ZNF660: variants seen among roughly 807,000 people sequenced by gnomAD.
ZNF660 encodes the protein zinc finger protein 660.
In ZNF660, 24 loss-of-function variants were observed where a neutral mutation model predicts 23.2. That is an observed-to-expected ratio of 1.04 (90% confidence interval 0.75 to 1.46). The LOEUF is 1.46. Among genes scored for constraint, ZNF660 ranks in the 40% most tolerant of loss-of-function variants. ZNF660 has a pLI of 0.00. For synonymous variants in ZNF660, 117 were observed against 131.4 expected, an observed-to-expected ratio of 0.89 and a Z score of 0.75; for missense variants, 373 against 396.8, an observed-to-expected ratio of 0.94 and a Z score of 0.51.
chr3:44,591,288 C>A (rs1302447706), intron 2 of ZNF660, among the ~76,000 whole-genome samples: 3 of 152,144 alleles, frequency 2.0e-5, no homozygotes, highest in Admixed American at 6.5e-5. Context: ...ACCACCATGC[C>A]TAGCTAATTT....
intron 2 of ZNF660, among the ~76,000 whole-genome samples, chr3:44,590,588 C>T (rs922854327): frequency 6.6e-6 from 1 of 152,196 alleles, no homozygotes; most frequent in Non-Finnish European, 1.5e-5. Flanking sequence ...GGGACACAAA[C>T]ATTCAGTCCA....
At chr3:44,586,906 AG>A (rs1362219342) in intron 2 of ZNF660, among the ~76,000 whole-genome samples, 1 of 152,214 alleles carries the variant, frequency 6.6e-6, no homozygotes, top group East Asian at 1.9e-4. Context: ...TATATATTTG[AG>A]GATGGACACA....
chr3:44,596,691 C>T lies in ZNF660; in HGVS notation c.*1502C>T, dbSNP rs1700620130. On this transcript the variant is annotated 3_prime_UTR_variant, in exon 3 of 3. Transcript: ENST00000322734. ...GGTGGCAAGACAGTGGCCACAGCTG[C>T]ATCTTGCCTTCACACAACTCCTTCA... 6.6e-6 allele frequency: 1 copy of T among 152,210 alleles called. No individual in the cohort carries two copies. Among genetic ancestry groups the T allele is most frequent in the Non-Finnish European group, 1.5e-5 (1 of 68,044 alleles). The allele number at this position is 152,210 out of a possible 1,614,324, so 9.4% of individuals were successfully genotyped here. A position where few individuals can be genotyped will look rare whatever the true frequency, so the allele number is the denominator to read the frequency against.
At chr3:44,592,279 A>G (rs1260283586) in intron 2 of ZNF660, among the ~76,000 whole-genome samples, 1 of 152,236 alleles carries the variant, frequency 6.6e-6, no homozygotes, top group East Asian at 1.9e-4. Flanking sequence ...AAATATATAT[A>G]CTTTTTTATC....
rs768512433 is a variant in ZNF660 at position 44,594,552 on chromosome 3, A to G, written c.359A>G (p.His120Arg). ...GGGAAATCTTTCAGTGGAAAGTCAC[A>G]TCTTATTCGGCACCAGGGAATCCAC... Reference protein sequence around the residue: ...ECGKSFSGKSHLIRHQGIHSG... With the variant: ...ECGKSFSGKSRLIRHQGIHSG... Residue 120 changes from histidine to arginine, a missense_variant, in exon 3 of 3, where the codon CAT (histidine) becomes CGT (arginine). Transcript: ENST00000322734. 4 of 1,614,180 alleles carry G rather than the reference A, an allele frequency of 2.5e-6. No individual in the cohort carries two copies. Among genetic ancestry groups the G allele is most frequent in the Non-Finnish European group, 2.5e-6 (3 of 1,180,026 alleles).
intron 2 of ZNF660, among the ~76,000 whole-genome samples, chr3:44,590,305 G>A (rs1205190603): frequency 6.6e-6 from 1 of 152,012 alleles, no homozygotes; most frequent in Non-Finnish European, 1.5e-5. Context: ...AGATCCATGT[G>A]CCTCGCCATT....
At position 44,598,540 on chromosome 3, in the gene ZNF660, C is replaced by G. The variant is rs1484929103; in HGVS notation, c.*3351C>G. ...GGAGTGCAATGGCGTGATATCGGCT[C>G]ACTGCAACCTCTGCCTCCTGGGTTC... On this transcript the variant is annotated 3_prime_UTR_variant, in exon 3 of 3. Coordinates refer to ENST00000322734, the MANE Select transcript of ZNF660 (RefSeq NM_173658.4). The G allele has an allele frequency of 6.6e-6, 1 of 152,158 alleles. No individual in the cohort carries two copies. The highest frequency in any genetic ancestry group is 1.5e-5 in the Non-Finnish European group (1 of 68,142). The allele number at this position is 152,158 out of a possible 1,614,324, so 9.4% of individuals were successfully genotyped here. A position where few individuals can be genotyped will look rare whatever the true frequency, so the allele number is the denominator to read the frequency against.
Position 44,595,151 on chromosome 3 carries a change from C to A in ZNF660, c.958C>A (p.His320Asn). The change falls in exon 3 of 3, where the codon CAC becomes AAC. Residue 320 changes from histidine (H) to asparagine (N), a missense_variant. Transcript: ENST00000322734. Reference protein sequence around the residue: ...AYRYSSQLIQHQRKHNEEKET... With the variant: ...AYRYSSQLIQNQRKHNEEKET... ...TCGGTATAGTTCACAGCTTATTCAA[C>A]ACCAGAGGAAACATAATGAGGAGAA... 6.3e-7 allele frequency: 1 copy of A among 1,595,054 alleles called. No homozygotes were observed. Among genetic ancestry groups the A allele is most frequent in the Non-Finnish European group, 8.5e-7 (1 of 1,171,624 alleles).
intron 2 of ZNF660, among the ~76,000 whole-genome samples, chr3:44,589,236 TAA>T (rs900718849): frequency 6.6e-6 from 1 of 152,234 alleles, no homozygotes; most frequent in Admixed American, 6.5e-5. Context: ...CTAATCTTCC[TAA>T]AGAGTTCTTA....
intron 2 of ZNF660, among the ~76,000 whole-genome samples, chr3:44,589,486 C>G (rs1700342695): frequency 6.6e-6 from 1 of 152,106 alleles, no homozygotes; most frequent in African/African-American, 2.4e-5. Context: ...CTCTGTTTTC[C>G]ATTTCATTAA....
At chr3:44,588,613 C>G (rs985512586) in intron 2 of ZNF660, among the ~76,000 whole-genome samples, 1 of 151,986 alleles carries the variant, frequency 6.6e-6, no homozygotes, top group African/African-American at 2.4e-5. Context: ...CCTCCCTCAG[C>G]CTCCCAAGTA....
rs191261921 is a variant in ZNF660, at chr3:44,595,505, A to C, written c.*316A>C. ...GATAAGACGGAAGATAATGACATAC[A>C]ATCCAAAATTTAAAAAAATATTTTT... On this transcript the variant is annotated 3_prime_UTR_variant, in exon 3 of 3. Coordinates refer to ENST00000322734, the MANE Select transcript of ZNF660 (RefSeq NM_173658.4). 3.1e-4 allele frequency: 67 copies of C among 216,536 alleles called. No individual in the cohort carries two copies. The highest frequency in any genetic ancestry group is 1.5e-3 in the African/African-American group (64 of 43,332). 13.4% of individuals were successfully genotyped at this position (216,536 alleles called of 1,614,324 possible). A position where few individuals can be genotyped will look rare whatever the true frequency, so the allele number is the denominator to read the frequency against.
In ZNF660 at chr3:44,595,175, A is replaced by G; in HGVS notation, c.982A>G (p.Lys328Glu). ...ACACCAGAGGAAACATAATGAGGAG[A>G]AAGAAACCTCATAAATAACAAATAT... is the stretch of plus-strand genomic sequence containing the variant. Reference protein sequence around the residue: ...IQHQRKHNEEKETS With the variant: ...IQHQRKHNEEEETS The change falls in exon 3 of 3, where the codon AAA (lysine) becomes GAA (glutamate). Residue 328 changes from lysine to glutamate, a missense_variant. Transcript: ENST00000322734. 6.4e-7 allele frequency: 1 copy of G among 1,568,274 alleles called. No homozygotes were observed. The highest frequency in any genetic ancestry group is 8.6e-7 in the Non-Finnish European group (1 of 1,160,114).
At position 44,594,217 on chromosome 3, in the gene ZNF660, C is replaced by A; in HGVS notation, c.24C>A (p.Phe8Leu). 1 of 1,613,134 alleles carries A rather than the reference C, an allele frequency of 6.2e-7. No homozygotes were observed. The highest frequency in any genetic ancestry group is 1.1e-5 in the South Asian group (1 of 91,016). Residue 8 changes from phenylalanine to leucine, a missense_variant, in exon 3 of 3, where the codon TTC (phenylalanine) becomes TTA (leucine). Phe to Leu is a conservative substitution (Grantham distance 22). Coordinates refer to ENST00000322734, the MANE Select transcript of ZNF660 (RefSeq NM_173658.4). ...AAATGAGGAGAAAGACAAGAAATTT[C>A]AAACATAAGACAGTTAAAGACAATA... is the stretch of plus-strand genomic sequence containing the variant. MRRKTRNFKHKTVKDNKV... is the reference protein window; with the variant it reads MRRKTRNLKHKTVKDNKV...
chr3:44,594,172 G>GGTAT lies in ZNF660; in HGVS notation c.-19_-16dup. On this transcript the variant is annotated 5_prime_UTR_variant, in exon 3 of 3. It adds an upstream start codon to the 5' untranslated region. Transcript: ENST00000322734. The stretch of plus-strand genomic sequence containing the variant: ...GAAAGAGAAGACTAGAGAGGACACT[G>GGTAT]GTATGTTCCAAGCAGGAGAAAATGA... 6.2e-7 allele frequency: 1 copy of GGTAT among 1,612,342 alleles called. No homozygotes were observed. The highest frequency in any genetic ancestry group is 1.3e-5 in the African/African-American group (1 of 74,784).
Position 44,594,418 on chromosome 3 carries a change from GAAACCC to G in ZNF660, c.226_231del (p.Lys76_Pro77del). The G allele has an allele frequency of 6.2e-7, 1 of 1,613,898 alleles. No homozygotes were observed. The highest frequency in any genetic ancestry group is 8.5e-7 in the Non-Finnish European group (1 of 1,179,974). ...TACATGAGCGAATCCACACGGGAGAGAAACCCTATAAGTGTAAGGAGTGTGGAAAAG... is the reference window on the plus strand; with the variant it reads ...TACATGAGCGAATCCACACGGGAGAGTATAAGTGTAAGGAGTGTGGAAAAG... On this transcript the variant is annotated inframe_deletion, in exon 3 of 3. Transcript: ENST00000322734.
rs1287711047 is a variant in ZNF660, at chr3:44,597,098, A to G, written c.*1909A>G. 6.6e-6 allele frequency: 1 copy of G among 152,176 alleles called. No individual in the cohort carries two copies. Among genetic ancestry groups the G allele is most frequent in the Non-Finnish European group, 1.5e-5 (1 of 68,034 alleles). The allele number at this position is 152,176 out of a possible 1,614,324, so 9.4% of individuals were successfully genotyped here. On this transcript the variant is annotated 3_prime_UTR_variant, in exon 3 of 3. Coordinates refer to ENST00000322734, the MANE Select transcript of ZNF660 (RefSeq NM_173658.4). This position sits in a 1 kb window ranked among gnomAD's most constrained non-coding sequence, Gnocchi z 4.1. ...TAGTTCTCCCTCTATTATACAAGAA[A>G]ATTGAGTGTCATTGAGGTTAGGTGA...
chr3:44,590,792 T>C (rs1700397199), intron 2 of ZNF660, among the ~76,000 whole-genome samples: 1 of 152,380 alleles, frequency 6.6e-6, no homozygotes, highest in Non-Finnish European at 1.5e-5. Context: ...TCACTTGCTC[T>C]ACTGCTCTGC....
At chr3:44,593,404 G>A (rs1700496373) in intron 2 of ZNF660, among the ~76,000 whole-genome samples, 1 of 152,134 alleles carries the variant, frequency 6.6e-6, no homozygotes, top group Non-Finnish European at 1.5e-5. Context: ...TTATAGTTGA[G>A]CCTGCCATTA....
Sources: gnomAD v4.1 joint callset for allele counts (sites outside exome capture counted in the v4.1 genomes callset) on GRCh38, gnomAD v4.1.1 for gene constraint, Gnocchi (gnomAD v3.1) non-coding constraint, MANE v1.5 for transcripts, NCBI Gene and HGNC (gene_info 2026-07-23, HGNC 2026-07-21) for gene names.